The following NRG1 variants were observed in gnomAD, a reference collection of about 807,000 sequenced individuals.
NRG1 encodes neuregulin 1.
In NRG1, 18 loss-of-function variants were observed where a neutral mutation model predicts 63.8. The observed-to-expected ratio is 0.28, with a 90% CI of 0.19 to 0.42. The LOEUF (loss-of-function observed/expected upper bound fraction) is 0.42. Ranked by LOEUF, NRG1 falls within the 10% of genes least tolerant of loss-of-function variation. NRG1 has a pLI of 1.00. For missense variants in NRG1, 762 were observed against 814.7 expected (o/e 0.94, Z 0.79); for synonymous variants, 302 against 301.3 (o/e 1.00, Z -0.02).
rs1820764260 is a variant in NRG1 at position 32,721,987 on chromosome 8, C to A, written c.503-5962C>A. 6.5e-6 allele frequency: 10 copies of A among 1,545,356 alleles called. No individual in the cohort carries two copies. The Middle Eastern group carries it at 5.0e-4, about 78-fold the overall frequency. On this transcript the variant is annotated intron_variant, in intron 5 of 11. Transcript: ENST00000356819. ...AATTTCAGATTTTTTAACTGGACTT[C>A]AAAGAGCAGGAAAGTATGCAGATTC...
intron 1 of NRG1, among the ~76,000 whole-genome samples, chr8:32,398,730 A>G (rs1370018991): frequency 1.3e-5 from 2 of 152,086 alleles, no homozygotes; most frequent in African/African-American, 4.8e-5. Context: ...TATTTTTTAG[A>G]ACATCCATTG....
At chr8:31,829,420 C>G (rs937669) in intron 1 of NRG1, among the ~76,000 whole-genome samples, 32,168 of 152,162 alleles carry the variant, frequency 0.21, 4,561 homozygotes, top group East Asian at 0.69. Context: ...TACAAATGGA[C>G]AGCATTATCA....
chr8:31,814,468 C>T (rs1018319970), intron 1 of NRG1, among the ~76,000 whole-genome samples: 40 of 152,152 alleles, frequency 2.6e-4, no homozygotes, highest in African/African-American at 9.4e-4. Context: ...TTAGGTAATG[C>T]ATGTAAAAGC....
At chr8:32,393,886 A>G (rs1423749911) in intron 1 of NRG1, among the ~76,000 whole-genome samples, 1 of 152,150 alleles carries the variant, frequency 6.6e-6, no homozygotes, top group Non-Finnish European at 1.5e-5. Context: ...ACCTAAAATA[A>G]AAGTTTAAAT....
intron 1 of NRG1, among the ~76,000 whole-genome samples, chr8:32,172,394 G>GA (rs1319176866): frequency 6.6e-6 from 1 of 152,138 alleles, no homozygotes; most frequent in Non-Finnish European, 1.5e-5. Context: ...GAAAGATGAG[G>GA]AAAAAACAGA....
intron 1 of NRG1, among the ~76,000 whole-genome samples, chr8:32,457,024 C>G (rs1821681219): frequency 6.6e-6 from 1 of 151,974 alleles, no homozygotes; most frequent in Non-Finnish European, 1.5e-5. Flanking sequence ...CCCAGCTACT[C>G]AAGAGGTTGA....
rs1825009764 is a variant in NRG1 at position 31,830,358 on chromosome 8, CT to C, written c.37+190929del. Among the ~76,000 whole-genome samples the C allele has an allele frequency of 8.3e-5, 4 of 48,192 alleles. No individual in the cohort carries two copies. The South Asian group carries it at 4.8e-3, about 58-fold the overall frequency. 31.6% of individuals were successfully genotyped at this position (48,192 alleles called of 152,430 possible). A position where few individuals can be genotyped will look rare whatever the true frequency, so the allele number is the denominator to read the frequency against. Reference sequence around the variant, plus strand: ...CCTTCCTTCCTTCCTTCCTTCCTTCCTTCCCTCCTTCCCTCCTTCCCTCCTT... The same window carrying C: ...CCTTCCTTCCTTCCTTCCTTCCTTCCTCCCTCCTTCCCTCCTTCCCTCCTT... On this transcript the variant is annotated intron_variant, in intron 1 of 10. Transcript: ENST00000519301.
At chr8:31,646,888 T>G (rs73586308) in intron 1 of NRG1, among the ~76,000 whole-genome samples, 9,463 of 152,294 alleles carry the variant, frequency 0.062, 980 homozygotes, top group African/African-American at 0.22. Context: ...TACTGTAATC[T>G]GGATCGACCT....
In NRG1 at chr8:32,387,225, G is replaced by T. The variant is rs189631072; in HGVS notation, c.38-208603G>T. ...ACACATTTCTTATTCTTCTGACAAG[G>T]TAGTACACAGTTCATCACTTTATTG... is the stretch of plus-strand genomic sequence containing the variant. On this transcript the variant is annotated intron_variant, in intron 1 of 10. Transcript: ENST00000519301. Among the ~76,000 whole-genome samples the T allele has an allele frequency of 3.6e-4, 55 of 152,264 alleles. No individual in the cohort carries two copies. The East Asian group carries it at 9.3e-3, about 26-fold the overall frequency.
upstream of NRG1, among the ~76,000 whole-genome samples, chr8:32,545,999 C>T (rs1833026766): frequency 6.6e-6 from 1 of 152,182 alleles, no homozygotes; most frequent in Admixed American, 6.5e-5. Flanking sequence ...TCACCTCCCT[C>T]CCTTCATATT....
At chr8:31,928,352 T>A (rs1301882401) in intron 1 of NRG1, among the ~76,000 whole-genome samples, 5 of 80,116 alleles carry the variant, frequency 6.2e-5, no homozygotes, top group Admixed American at 1.4e-4. Context: ...ATGGATGTGG[T>A]AAAAAAAAAA....
chr8:32,050,302 C>T (rs1464146845), intron 1 of NRG1, among the ~76,000 whole-genome samples: 1 of 152,088 alleles, frequency 6.6e-6, no homozygotes, highest in African/African-American at 2.4e-5. Context: ...AAGGTAACAT[C>T]GTGTCTGACT....
At chr8:31,656,927 C>A (rs1392177060) in intron 1 of NRG1, among the ~76,000 whole-genome samples, 1 of 152,186 alleles carries the variant, frequency 6.6e-6, no homozygotes, top group African/African-American at 2.4e-5. Context: ...GGTCCTTGAA[C>A]CATGTATTAG....
chr8:32,145,111 A>G lies in NRG1; in HGVS notation c.38-450717A>G, dbSNP rs77864373. On this transcript the variant is annotated intron_variant, in intron 1 of 10. Coordinates refer to the NRG1 transcript ENST00000519301. ...TGGTTTAGCCAACCACGTGGAAAAA[A>G]CTAAGGGTTTAGATATAACCACATT... Among the ~76,000 whole-genome samples the G allele has an allele frequency of 3.9e-3, 601 of 152,300 alleles. 4 individuals are homozygous for G. Among genetic ancestry groups the G allele is most frequent in the African/African-American group, 0.014 (563 of 41,554 alleles).
At chr8:32,184,428 C>A (rs748259648) in intron 1 of NRG1, among the ~76,000 whole-genome samples, 9 of 151,934 alleles carry the variant, frequency 5.9e-5, no homozygotes, top group Non-Finnish European at 1.3e-4. Flanking sequence ...CAGCATATAC[C>A]CCGAATACAT....
At chr8:31,956,057 AAAAAC>A (rs1804338840) in intron 1 of NRG1, among the ~76,000 whole-genome samples, 2 of 151,628 alleles carry the variant, frequency 1.3e-5, no homozygotes, top group African/African-American at 4.9e-5. Context: ...AAAAAAACAA[AAAAAC>A]AAAAAAACAA....
intron 1 of NRG1, among the ~76,000 whole-genome samples, chr8:32,095,152 C>T (rs1829732721): frequency 6.6e-6 from 1 of 152,122 alleles, no homozygotes; most frequent in Non-Finnish European, 1.5e-5. Context: ...CCTCGTGATC[C>T]ACCTGCCTCC....
chr8:32,284,023 T>C (rs1853207718), intron 1 of NRG1, among the ~76,000 whole-genome samples: 1 of 152,162 alleles, frequency 6.6e-6, no homozygotes, highest in South Asian at 2.1e-4. Flanking sequence ...GACATAAAGG[T>C]ACTAGTTCTG....
At chr8:32,140,905 A>T (rs192462962) in intron 1 of NRG1, among the ~76,000 whole-genome samples, 1 of 151,828 alleles carries the variant, frequency 6.6e-6, no homozygotes, top group Non-Finnish European at 1.5e-5. Context: ...TCTGATTTGT[A>T]CTGTTGACCT....
Sources: allele counts gnomAD v4.1 joint callset (sites outside exome capture counted in the v4.1 genomes callset), GRCh38; gene constraint gnomAD v4.1.1; transcripts MANE v1.5; gene names NCBI Gene and HGNC (gene_info 2026-07-23, HGNC 2026-07-21).